The following PKNOX2 variants were observed in gnomAD, a reference collection of about 807,000 sequenced individuals.
PKNOX2 encodes homeobox protein PKNOX2.
Under a neutral mutation model 53.1 loss-of-function variants are expected in PKNOX2, and 14 were observed. The ratio of observed to expected loss-of-function variants is 0.26; its 90% CI spans 0.17 to 0.41. The LOEUF is 0.41. Ranked by LOEUF, PKNOX2 falls within the 10% of genes least tolerant of loss-of-function variation. The pLI is 1.00. For synonymous variants in PKNOX2, 257 were observed against 242.8 expected (o/e 1.06, Z -0.54); for missense variants, 496 against 602.8 (o/e 0.82, Z 1.85).
intron 6 of PKNOX2, among the ~76,000 whole-genome samples, chr11:125,386,670 CAG>C (rs1013687728): frequency 1.1e-4 from 16 of 148,080 alleles, no homozygotes; most frequent in Non-Finnish European, 2.1e-4. Flanking sequence ...AAAAGGGAAA[CAG>C]AATTAGAAAA....
intron 2 of PKNOX2, among the ~76,000 whole-genome samples, chr11:125,267,763 ATGTG>A (rs150021069): frequency 1.3e-5 from 2 of 151,352 alleles, no homozygotes; most frequent in African/African-American, 4.9e-5. Context: ...GTGTGTGTGC[ATGTG>A]TGTGTGTGTG....
intron 2 of PKNOX2, among the ~76,000 whole-genome samples, chr11:125,305,397 C>G (rs944023878): frequency 2.0e-5 from 3 of 152,314 alleles, no homozygotes; most frequent in East Asian, 3.9e-4. Context: ...ACAAGTGGCT[C>G]TCTCAAAAGA....
intron 2 of PKNOX2, among the ~76,000 whole-genome samples, chr11:125,259,323 A>G (rs1193505032): frequency 6.6e-6 from 1 of 152,230 alleles, no homozygotes; most frequent in Non-Finnish European, 1.5e-5. Context: ...TGTTCTAGAC[A>G]CTGAGGCAGG....
chr11:125,399,837 C>T (rs1028663201), intron 7 of PKNOX2, among the ~76,000 whole-genome samples: 36 of 152,312 alleles, frequency 2.4e-4, no homozygotes, highest in Admixed American at 1.7e-3. Context: ...GCTTAGCAGC[C>T]ACCTCAGCCC....
At position 125,387,943 on chromosome 11, in the gene PKNOX2, C is replaced by A. The variant is rs140550313; in HGVS notation, c.399+2221C>A. Among the ~76,000 whole-genome samples, 439 of 152,098 alleles carry A rather than the reference C, an allele frequency of 2.9e-3. 3 individuals are homozygous for A. Among genetic ancestry groups the A allele is most frequent in the African/African-American group, 0.01 (426 of 41,422 alleles). The stretch of plus-strand genomic sequence containing the variant: ...TTCCTCATCTGTAGATCTAACACAC[C>A]TATCTCGTGTGATGGTAATACAAAA... On this transcript the variant is annotated intron_variant, in intron 6 of 12. Transcript: ENST00000298282.
chr11:125,416,302 C>CAAAAAAAAAAAAAAAAAAAAAAAA (rs61354494), intron 10 of PKNOX2, among the ~76,000 whole-genome samples: 1 of 70,458 alleles, frequency 1.4e-5, no homozygotes, highest in Admixed American at 1.9e-4. Flanking sequence ...GACGCCGTCT[C>CAAAAAAAAAAAAAAAAAAAAAAAA]AAAAAAAAAA....
At chr11:125,211,692 C>T (rs1939868495) in intron 1 of PKNOX2, among the ~76,000 whole-genome samples, 2 of 152,050 alleles carry the variant, frequency 1.3e-5, no homozygotes, top group Admixed American at 1.3e-4. Flanking sequence ...CAGGGTGGAG[C>T]CGGCTGCTCG....
At chr11:125,324,246 C>T (rs1053181185) in intron 2 of PKNOX2, among the ~76,000 whole-genome samples, 7 of 152,234 alleles carry the variant, frequency 4.6e-5, no homozygotes, top group Non-Finnish European at 5.9e-5. Context: ...TTGGGCCAGT[C>T]GCTTAACTTT....
At chr11:125,216,242 A>G (rs1311606056) in intron 1 of PKNOX2, among the ~76,000 whole-genome samples, 1 of 152,222 alleles carries the variant, frequency 6.6e-6, no homozygotes, top group African/African-American at 2.4e-5. Flanking sequence ...CAGAGCCATG[A>G]GTAGCCAGAG....
intron 2 of PKNOX2, among the ~76,000 whole-genome samples, chr11:125,270,377 G>T (rs1945697876): frequency 6.6e-6 from 1 of 152,300 alleles, no homozygotes; most frequent in South Asian, 2.1e-4. Flanking sequence ...GTCTTGCACT[G>T]CTGATCCTGC....
intron 10 of PKNOX2, 25 bp downstream of exon 10, chr11:125,411,890 T>TGGA (rs1955570576): frequency 6.2e-7 from 1 of 1,613,498 alleles, no homozygotes; most frequent in Admixed American, 1.7e-5. Flanking sequence ...CTTGGGGGTG[T>TGGA]GGAGTCCCGG....
At chr11:125,350,385 G>A (rs542600309) in intron 3 of PKNOX2, among the ~76,000 whole-genome samples, 7 of 152,230 alleles carry the variant, frequency 4.6e-5, no homozygotes, top group African/African-American at 1.4e-4. Flanking sequence ...CTGGGAATCT[G>A]GAGGTGCTGC....
chr11:125,299,394 C>T (rs12288663), intron 2 of PKNOX2, among the ~76,000 whole-genome samples: 23,716 of 151,690 alleles, frequency 0.16, 1,972 homozygotes, highest in East Asian at 0.25. Flanking sequence ...GCCTGCTTCC[C>T]CTCCCTGGGC....
In PKNOX2 at chr11:125,370,654, C is replaced by T. The variant is rs73626798; in HGVS notation, c.227+2669C>T. 0.011 allele frequency among the ~76,000 whole-genome samples: 1,729 copies of T among 152,360 alleles called. 39 individuals are homozygous for T. Among genetic ancestry groups the T allele is most frequent in the African/African-American group, 0.038 (1,560 of 41,578 alleles). ...CTCTAGTCCTGCTGCTGCCTCCTGG[C>T]CCGGCAGCCCCAGGGTTGTCTCCTA... On this transcript the variant is annotated intron_variant, in intron 5 of 12. Transcript: ENST00000298282. This position sits in a 1 kb window ranked among gnomAD's most constrained non-coding sequence, Gnocchi z 4.1.
chr11:125,389,687 A>G (rs953970063), intron 6 of PKNOX2, among the ~76,000 whole-genome samples: 5 of 152,246 alleles, frequency 3.3e-5, no homozygotes, highest in Non-Finnish European at 5.9e-5. Context: ...TTTTTGTTTT[A>G]TAAAATCTGA....
Position 125,432,940 on chromosome 11 carries a change from G to C in PKNOX2, c.*1548G>C, listed in dbSNP as rs560115182. 6.5e-6 allele frequency: 1 copy of C among 152,776 alleles called. No homozygotes were observed. The highest frequency in any genetic ancestry group is 6.5e-5 in the Admixed American group (1 of 15,314). 9.5% of individuals were successfully genotyped at this position (152,776 alleles called of 1,614,324 possible). On this transcript the variant is annotated 3_prime_UTR_variant, in exon 13 of 13. Transcript: ENST00000298282. Reference sequence around the variant, plus strand: ...CTGGTTGGGGTAGAGCAAAAGGATGGTCACTCTTCCGAGGTCTCCCTGAAA... The same window carrying C: ...CTGGTTGGGGTAGAGCAAAAGGATGCTCACTCTTCCGAGGTCTCCCTGAAA...
At chr11:125,188,518 C>A (rs1213509214) in intron 1 of PKNOX2, among the ~76,000 whole-genome samples, 2 of 152,156 alleles carry the variant, frequency 1.3e-5, no homozygotes, top group African/African-American at 2.4e-5. Flanking sequence ...TTGGTGTTAA[C>A]AGATGAGTCT....
rs143238013 is a variant in PKNOX2, at chr11:125,300,860, G to C, written c.-129-30959G>C. On this transcript the variant is annotated intron_variant, in intron 2 of 12. Coordinates refer to ENST00000298282, the MANE Select transcript of PKNOX2 (RefSeq NM_001382323.2). ...ACTTGGAGCCAGAACACACTACTTG[G>C]CATGTTGCAGGCATTTAATATTTTT... Among the ~76,000 whole-genome samples, 21 of 152,266 alleles carry C rather than the reference G, an allele frequency of 1.4e-4. No individual in the cohort carries two copies. In the East Asian group the frequency reaches 3.9e-3, roughly 28 times the overall value.
At chr11:125,180,379 A>G (rs1437147538) in intron 1 of PKNOX2, among the ~76,000 whole-genome samples, 1 of 152,224 alleles carries the variant, frequency 6.6e-6, no homozygotes, top group Non-Finnish European at 1.5e-5. Context: ...TGTGGAATGA[A>G]TGAATGAGTG....
Sources: allele counts gnomAD v4.1 joint callset (sites outside exome capture counted in the v4.1 genomes callset), GRCh38; gene constraint gnomAD v4.1.1; non-coding constraint Gnocchi (gnomAD v3.1); transcripts MANE v1.5; gene names NCBI Gene and HGNC (gene_info 2026-07-23, HGNC 2026-07-21).